The following SMCHD1 variants were observed in gnomAD, a reference collection of about 807,000 sequenced individuals.
The protein encoded by SMCHD1 is structural maintenance of chromosomes flexible hinge domain containing 1.
A neutral mutation model predicts 254.7 loss-of-function variants in SMCHD1; 78 were observed. That is an observed-to-expected ratio of 0.31 (90% CI 0.26 to 0.37). The LOEUF is 0.37. Among genes scored for constraint, SMCHD1 ranks in the 10% least tolerant of loss-of-function variants. The pLI is 1.00. For missense variants in SMCHD1, 1,840 were observed against 2,408.1 expected, an observed-to-expected ratio of 0.76 and a Z score of 4.94; for synonymous variants, 766 against 794.9, an observed-to-expected ratio of 0.96 and a Z score of 0.61.
In SMCHD1 at chr18:2,779,272, C is replaced by T. The variant is rs568032096; in HGVS notation, c.5547+1033C>T. 3.3e-5 allele frequency among the ~76,000 whole-genome samples: 5 copies of T among 152,236 alleles called. No individual in the cohort carries two copies. In the South Asian group the frequency reaches 1.0e-3, roughly 32 times the overall value. ...CTGGGGTGGTGGCAGCTCTAAAATGCCTGCCTTATGTAGCTGGCAACTGGT... is the reference window on the plus strand; with the variant it reads ...CTGGGGTGGTGGCAGCTCTAAAATGTCTGCCTTATGTAGCTGGCAACTGGT... On this transcript the variant is annotated intron_variant, in intron 44 of 47. Transcript: ENST00000320876.
intron 42 of SMCHD1, among the ~76,000 whole-genome samples, chr18:2,776,903 T>C (rs1179751804): frequency 1.3e-5 from 2 of 152,120 alleles, no homozygotes; most frequent in Non-Finnish European, 2.9e-5. Context: ...GTAATACTTT[T>C]TCTTTTCTTA....
intron 31 of SMCHD1, 71 bp downstream of exon 31, chr18:2,750,193 A>G: frequency 2.1e-6 from 3 of 1,454,910 alleles, no homozygotes; most frequent in Non-Finnish European, 2.8e-6. Context: ...CCGAAGTTAC[A>G]GCTAATGACT....
rs2076256936 is a variant in SMCHD1, at chr18:2,795,998, T to C, written c.5769T>C (p.Asn1923=). The C allele has an allele frequency of 6.3e-7, 1 of 1,598,108 alleles. No individual in the cohort carries two copies. The highest frequency in any genetic ancestry group is 8.5e-7 in the Non-Finnish European group (1 of 1,171,948). The part of the protein sequence containing the change: ...RSAVCKLDSV[N]KDLNSQLEYL... ...CTGTGTGCAAACTAGACAGTGTGAA[T>C]AAGGATCTTAACAGTCAATTAGAGT... The change falls in exon 46 of 48, where the codon AAT becomes AAC. Residue 1923 remains asparagine, a synonymous_variant. Transcript: ENST00000320876.
chr18:2,728,898 G>A (rs1223876012), intron 23 of SMCHD1: 3 of 260,692 alleles, frequency 1.2e-5, no homozygotes, highest in Non-Finnish European at 2.1e-5. Context: ...TTCAGGATTG[G>A]GAATGGGCTG....
chr18:2,659,127 AT>A (rs113048348), intron 1 of SMCHD1, among the ~76,000 whole-genome samples: 141 of 151,850 alleles, frequency 9.3e-4, no homozygotes, highest in African/African-American at 3.2e-3. Flanking sequence ...TTATTTATTT[AT>A]TTTTTTTGAG....
chr18:2,718,183 T>G lies in SMCHD1; in HGVS notation c.2286T>G (p.Ile762Met). 6.2e-7 allele frequency: 1 copy of G among 1,612,366 alleles called. No individual in the cohort carries two copies. The highest frequency in any genetic ancestry group is 8.5e-7 in the Non-Finnish European group (1 of 1,179,042). The change falls in exon 18 of 48, where the codon ATT (isoleucine) becomes ATG (methionine). Residue 762 changes from isoleucine to methionine, a missense_variant. Coordinates refer to ENST00000320876, the MANE Select transcript of SMCHD1 (RefSeq NM_015295.3). This position sits in a 1 kb window ranked among gnomAD's most constrained non-coding sequence, Gnocchi z 4.6. The part of the protein sequence containing the change: ...LHSSSGNKEI[I>M]SHISQHGGKW... The stretch of plus-strand genomic sequence containing the variant: ...CTTCAAGTGGAAATAAAGAGATTAT[T>G]TCGCATATTAGTCAACATGGAGGAA...
intron 13 of SMCHD1, 23 bp from the exon 14 acceptor site, chr18:2,705,671 T>C (rs746345643): frequency 2.1e-5 from 26 of 1,209,996 alleles, no homozygotes; most frequent in Non-Finnish European, 2.9e-5. Context: ...AAGCTTTTTT[T>C]TTTTTTAAAA....
rs1033839499 is a variant in SMCHD1, at chr18:2,670,938, T to C, written c.425-2343T>C. Among the ~76,000 whole-genome samples, 20 of 136,804 alleles carry C rather than the reference T, an allele frequency of 1.5e-4. No individual in the cohort carries two copies. In the South Asian group the frequency reaches 1.5e-3, roughly 10 times the overall value. The allele number at this position is 136,804 out of a possible 152,430, so 89.7% of individuals were successfully genotyped here. On this transcript the variant is annotated intron_variant, in intron 3 of 47. Coordinates refer to ENST00000320876, the MANE Select transcript of SMCHD1 (RefSeq NM_015295.3). ...AAAGAAAATTGAGTGAATCTTTTAA[T>C]TCTTTTTTTTTTTTTTTGAGATGGA...
chr18:2,705,481 T>G (rs1299509718), intron 13 of SMCHD1, among the ~76,000 whole-genome samples: 4 of 152,150 alleles, frequency 2.6e-5, no homozygotes, highest in Non-Finnish European at 5.9e-5. Flanking sequence ...ATAAAGAAGC[T>G]GCCATATTTT....
intron 15 of SMCHD1, 124 bp downstream of exon 15, chr18:2,706,594 T>C (rs1364791151): frequency 1.3e-5 from 7 of 552,674 alleles, no homozygotes; most frequent in Non-Finnish European, 2.1e-5. Flanking sequence ...ATTGTACCTA[T>C]TGAGATGAAC....
At chr18:2,733,896 C>G (rs559808025) in intron 25 of SMCHD1, among the ~76,000 whole-genome samples, 2 of 152,268 alleles carry the variant, frequency 1.3e-5, no homozygotes, top group South Asian at 4.1e-4. Context: ...TCCTCCATGT[C>G]TGGAGAGCTG....
chr18:2,802,086 C>G (rs1568419988), intron 47 of SMCHD1, among the ~76,000 whole-genome samples: 1 of 152,030 alleles, frequency 6.6e-6, no homozygotes, highest in Non-Finnish European at 1.5e-5. Context: ...CTATATATGT[C>G]AAGGTGCTCA....
rs1162840227 is a variant in SMCHD1, at chr18:2,691,997, A to G, written c.874-2530A>G. The G allele has an allele frequency of 2.6e-5, 4 of 152,242 alleles. No homozygotes were observed. In the East Asian group the frequency reaches 7.7e-4, roughly 29 times the overall value. The allele number at this position is 152,242 out of a possible 1,614,324, so 9.4% of individuals were successfully genotyped here. A position where few individuals can be genotyped will look rare whatever the true frequency, so the allele number is the denominator to read the frequency against. On this transcript the variant is annotated intron_variant, in intron 7 of 47. Transcript: ENST00000320876. ...GTGTGATAACACAAAACTTTTAAAA[A>G]ACTTCAGGAAATAGCCTCTGCTTCA... is the stretch of plus-strand genomic sequence containing the variant.
chr18:2,695,321 T>C (rs2074263201), intron 8 of SMCHD1, among the ~76,000 whole-genome samples: 2 of 151,800 alleles, frequency 1.3e-5, no homozygotes, highest in Admixed American at 6.6e-5. Context: ...TTTTTTTTTT[T>C]TTTTTGAGAC....
At chr18:2,754,404 G>C (rs1251875580) in intron 34 of SMCHD1, among the ~76,000 whole-genome samples, 1 of 152,182 alleles carries the variant, frequency 6.6e-6, no homozygotes, top group Non-Finnish European at 1.5e-5. Context: ...AAAGCTCATG[G>C]GGTGATGTCC....
chr18:2,737,769 T>C (rs2075277922), intron 25 of SMCHD1, among the ~76,000 whole-genome samples: 1 of 151,990 alleles, frequency 6.6e-6, no homozygotes, highest in African/African-American at 2.4e-5. Context: ...GAAGGCTAAA[T>C]AAAAGTAGAG....
intron 15 of SMCHD1, 114 bp downstream of exon 15, chr18:2,706,584 A>G (rs2074519268): frequency 1.7e-6 from 1 of 597,576 alleles, no homozygotes; most frequent in Non-Finnish European, 2.8e-6. Flanking sequence ...AGTCTTAGAT[A>G]TTGTACCTAT....
chr18:2,726,311 A>ATTTAGTATAC, intron 21 of SMCHD1, 141 bp from the exon 22 acceptor site: 1 of 434,024 alleles, frequency 2.3e-6, no homozygotes, highest in Non-Finnish European at 4.1e-6. Context: ...CATATATGAT[A>ATTTAGTATAC]ATTTTAGTAA....
At position 2,694,714 on chromosome 18, in the gene SMCHD1, T is replaced by C. The variant is rs960569043; in HGVS notation, c.1040+21T>C. 5 of 1,601,178 alleles carry C rather than the reference T, an allele frequency of 3.1e-6. No homozygotes were observed. In the African/African-American group the frequency reaches 6.8e-5, roughly 22 times the overall value. On this transcript the variant is annotated intron_variant, in intron 8 of 47. Coordinates refer to ENST00000320876, the MANE Select transcript of SMCHD1 (RefSeq NM_015295.3). ...TTAGCGTAAGTAATTATATTTGGCT[T>C]AGGAAATGTTGCTACTTAACTTTTT...
Sources: allele counts gnomAD v4.1 joint callset (sites outside exome capture counted in the v4.1 genomes callset), GRCh38; gene constraint gnomAD v4.1.1; non-coding constraint Gnocchi (gnomAD v3.1); transcripts MANE v1.5; gene names NCBI Gene and HGNC (gene_info 2026-07-23, HGNC 2026-07-21).